PPP1R13L: variants seen among roughly 807,000 people sequenced by gnomAD.
PPP1R13L encodes the protein protein phosphatase 1 regulatory subunit 13 like.
In PPP1R13L, 50 loss-of-function variants were observed where a neutral mutation model predicts 80.9. The observed-to-expected ratio is 0.62, with a 90% confidence interval of 0.49 to 0.78. The LOEUF (loss-of-function observed/expected upper bound fraction) is 0.78. Among genes scored for constraint, PPP1R13L ranks in the 30% least tolerant of loss-of-function variants. The pLI is 0.00. For missense variants in PPP1R13L, 1,200 were observed against 1,205.9 expected (o/e 1.00, Z 0.07); for synonymous variants, 602 against 534.3 (o/e 1.13, Z -1.75).
chr19:45,393,659 G>A (rs377338760), intron 7 of PPP1R13L, among the ~76,000 whole-genome samples: 215 of 152,194 alleles, frequency 1.4e-3, no homozygotes, highest in African/African-American at 4.7e-3. Flanking sequence ...CAGATCATGA[G>A]GTCAGGAGAT....
intron 8 of PPP1R13L, among the ~76,000 whole-genome samples, chr19:45,390,277 A>G (rs1972945794): frequency 6.6e-6 from 1 of 151,058 alleles, no homozygotes; most frequent in African/African-American, 2.4e-5. Flanking sequence ...CTTCTCCCCC[A>G]CCTCCCCTTT....
chr19:45,405,104 G>C (rs1408272615), upstream of PPP1R13L: 1 of 971,334 alleles, frequency 1.0e-6, no homozygotes, highest in Non-Finnish European at 1.2e-6. Flanking sequence ...TAGACGACGT[G>C]ACTTGGGCTG....
intron 10 of PPP1R13L, 23 bp downstream of exon 10, chr19:45,385,801 C>T (rs753675377): frequency 6.2e-7 from 1 of 1,609,842 alleles, no homozygotes; most frequent in South Asian, 1.1e-5. Flanking sequence ...GGGACCCAGC[C>T]CACCGCGCGG....
At chr19:45,382,423 A>AT in intron 12 of PPP1R13L, 104 bp downstream of exon 12, 1 of 1,359,272 alleles carries the variant, frequency 7.4e-7, no homozygotes, top group South Asian at 1.3e-5. Context: ...CCCTCTCCCA[A>AT]TATAACGGTT....
In PPP1R13L at chr19:45,400,044, A is replaced by G. The variant is rs1280175690; in HGVS notation, c.-21-1705T>C. ...ATTTGATGGTCAAAACCACCCTAGCAGGCAAGAAAGCATGGCTCAGAAACA... is the reference window on the plus strand; with the variant it reads ...ATTTGATGGTCAAAACCACCCTAGCGGGCAAGAAAGCATGGCTCAGAAACA... On this transcript the variant is annotated intron_variant, in intron 1 of 12. Coordinates refer to ENST00000360957, the MANE Select transcript of PPP1R13L (RefSeq NM_006663.4). 2.0e-5 allele frequency among the ~76,000 whole-genome samples: 3 copies of G among 152,114 alleles called. No homozygotes were observed. In the East Asian group the frequency reaches 5.8e-4, roughly 29 times the overall value.
At chr19:45,382,751 G>T in intron 11 of PPP1R13L, 25 bp from the exon 12 acceptor site, 2 of 1,612,468 alleles carry the variant, frequency 1.2e-6, no homozygotes, top group Non-Finnish European at 1.7e-6. Flanking sequence ...GGAGGGGAAG[G>T]TGAGAGCCTG....
chr19:45,404,286 C>T (rs898641463), intron 1 of PPP1R13L, among the ~76,000 whole-genome samples: 2 of 152,188 alleles, frequency 1.3e-5, no homozygotes, highest in Non-Finnish European at 2.9e-5. Flanking sequence ...CTGTTTCCCA[C>T]CCCATAAGGC....
rs775170891 is a variant in PPP1R13L, at chr19:45,396,575, TGCC to T, written c.679_681del (p.Gly227del). ...GCGCGCAGAGGCGGGGCGAATGCGC[TGCC>T]GCCGGAGCCTAGCAGGGAGCTCCCG... On this transcript the variant is annotated inframe_deletion, in exon 4 of 13. Coordinates refer to ENST00000360957, the MANE Select transcript of PPP1R13L (RefSeq NM_006663.4). This position sits in a 1 kb window ranked among gnomAD's most constrained non-coding sequence, Gnocchi z 5.3. 3 of 1,508,522 alleles carry T rather than the reference TGCC, an allele frequency of 2.0e-6. No homozygotes were observed. The South Asian group carries it at 3.9e-5, about 20-fold the overall frequency. The allele number at this position is 1,508,522 out of a possible 1,614,324, so 93.4% of individuals were successfully genotyped here.
At chr19:45,385,541 G>A (rs766542206) in intron 11 of PPP1R13L, 21 bp downstream of exon 11, 4 of 1,595,612 alleles carry the variant, frequency 2.5e-6, no homozygotes, top group Non-Finnish European at 3.4e-6. Context: ...GTACCCAGGC[G>A]CCAGCAGCCC....
chr19:45,384,671 G>A (rs939948557), intron 11 of PPP1R13L, among the ~76,000 whole-genome samples: 2 of 152,044 alleles, frequency 1.3e-5, no homozygotes, highest in African/African-American at 2.4e-5. Context: ...GGGCAACACT[G>A]CAAAACCCCT....
At chr19:45,406,166 GA>G (rs1376564641), upstream of PPP1R13L, 5 of 472,326 alleles carry the variant, frequency 1.1e-5, no homozygotes, top group Middle Eastern at 1.1e-3. The surrounding 1 kb of genome is among the most constrained non-coding windows in gnomAD (Gnocchi z 4.2). Flanking sequence ...ACGCCCTCCG[GA>G]CGGATTGCCC....
chr19:45,385,759 C>T lies in PPP1R13L; in HGVS notation c.2082-31G>A, dbSNP rs765510099. On this transcript the variant is annotated intron_variant, in intron 10 of 12. Coordinates refer to ENST00000360957, the MANE Select transcript of PPP1R13L (RefSeq NM_006663.4). The stretch of plus-strand genomic sequence containing the variant: ...CGTGGGGGTGGGGGGTTGCGGGGAA[C>T]GATGCGTGAGAGGCTGCGCGTCCGC... 5 of 1,607,238 alleles carry T rather than the reference C, an allele frequency of 3.1e-6. No individual in the cohort carries two copies. In the African/African-American group the frequency reaches 4.0e-5, roughly 13 times the overall value.
In PPP1R13L at chr19:45,386,195, G is replaced by T; in HGVS notation, c.1816-15C>A. The T allele has an allele frequency of 6.7e-7, 1 of 1,501,936 alleles. No homozygotes were observed. The allele number at this position is 1,501,936 out of a possible 1,614,324, so 93.0% of individuals were successfully genotyped here. ...GAGCGCATCTCCTGGGGGACAGGGC[G>T]CAGAGGTCAGCGACTTGGAGGGATT... On this transcript the variant is annotated splice_polypyrimidine_tract_variant and intron_variant, in intron 8 of 12. Transcript: ENST00000360957.
intron 7 of PPP1R13L, chr19:45,392,595 G>T: frequency 1.7e-6 from 1 of 593,252 alleles, no homozygotes; most frequent in Admixed American, 2.5e-5. Flanking sequence ...TGCTTTGTGA[G>T]GTAGATACAC....
intron 12 of PPP1R13L, among the ~76,000 whole-genome samples, chr19:45,380,655 T>C (rs922951890): frequency 6.6e-6 from 1 of 152,032 alleles, no homozygotes; most frequent in Non-Finnish European, 1.5e-5. Context: ...CTGTCTCTAC[T>C]AAAAACACAA....
In PPP1R13L at chr19:45,385,968, C is replaced by G. The variant is rs749722580; in HGVS notation, c.1948-11G>C. 4.4e-6 allele frequency: 7 copies of G among 1,603,422 alleles called. No homozygotes were observed. Among genetic ancestry groups the G allele is most frequent in the Middle Eastern group, 2.2e-4 (1 of 4,494 alleles). On this transcript the variant is annotated splice_polypyrimidine_tract_variant and intron_variant, in intron 9 of 12. Transcript: ENST00000360957. ...GCTCGGGTCGTTCATCTGAGTGCAC[C>G]GGGGGAGGGGGAAGACTCAGTCCCG... is the stretch of plus-strand genomic sequence containing the variant.
Position 45,382,669 on chromosome 19 carries a change from T to A in PPP1R13L, c.2306A>T (p.Tyr769Phe). 11 of 1,614,020 alleles carry A rather than the reference T, an allele frequency of 6.8e-6. No homozygotes were observed. Among genetic ancestry groups the A allele is most frequent in the Non-Finnish European group, 9.3e-6 (11 of 1,180,046 alleles). Reference protein sequence around the residue: ...NSGAVYALWDYSAEFGDELSF... With the variant: ...NSGAVYALWDFSAEFGDELSF... ...CAGCTCGTCCCCGAACTCGGCGCTGTAGTCCCAGAGAGCGTACACTGCCCC... is the reference window on the plus strand; with the variant it reads ...CAGCTCGTCCCCGAACTCGGCGCTGAAGTCCCAGAGAGCGTACACTGCCCC... The change falls in exon 12 of 13, where the codon TAC becomes TTC. Residue 769 changes from tyrosine to phenylalanine, a missense_variant. Coordinates refer to ENST00000360957, the MANE Select transcript of PPP1R13L (RefSeq NM_006663.4).
At chr19:45,400,474 C>T (rs898849252) in intron 1 of PPP1R13L, among the ~76,000 whole-genome samples, 4 of 151,856 alleles carry the variant, frequency 2.6e-5, no homozygotes, top group African/African-American at 4.8e-5. Context: ...TCTGGGAAGT[C>T]GAAGGAACAG....
chr19:45,383,081 G>A (rs534546510), intron 11 of PPP1R13L, among the ~76,000 whole-genome samples: 61 of 138,910 alleles, frequency 4.4e-4, no homozygotes, highest in Admixed American at 2.7e-3. Context: ...TGCAACCTCC[G>A]CCTCCCGGGT....
Sources: gnomAD v4.1 joint callset for allele counts (sites outside exome capture counted in the v4.1 genomes callset) on GRCh38, gnomAD v4.1.1 for gene constraint, Gnocchi (gnomAD v3.1) non-coding constraint, MANE v1.5 for transcripts, NCBI Gene and HGNC (gene_info 2026-07-23, HGNC 2026-07-21) for gene names.